CACNB4: variants seen among roughly 807,000 people sequenced by gnomAD.
CACNB4 encodes the protein calcium voltage-gated channel auxiliary subunit beta 4.
In CACNB4, 32 loss-of-function variants were observed where a neutral mutation model predicts 71.2. That is an observed-to-expected ratio of 0.45 (90% CI 0.34 to 0.60). CACNB4 has a LOEUF of 0.60. CACNB4 is among the 20% of genes least tolerant of loss of function. CACNB4 has a pLI of 0.01. For synonymous variants in CACNB4, 231 were observed against 236.9 expected (o/e 0.97, Z 0.23); for missense variants, 464 against 647.9 (o/e 0.72, Z 3.08).
chr2:151,992,893 T>C (rs1042015501), intron 2 of CACNB4, among the ~76,000 whole-genome samples: 24 of 152,234 alleles, frequency 1.6e-4, no homozygotes, highest in African/African-American at 4.8e-4. Flanking sequence ...GCTTTGGAAA[T>C]ATTCCGCTTC....
At chr2:152,040,153 A>G (rs978008450) in intron 2 of CACNB4, among the ~76,000 whole-genome samples, 2 of 152,192 alleles carry the variant, frequency 1.3e-5, no homozygotes, top group Admixed American at 6.5e-5. Flanking sequence ...TTAAGTATCA[A>G]AAATACCAAG....
rs1182160088 is a variant in CACNB4 at position 151,975,050 on chromosome 2, T to A, written c.148-91680A>T. Among the ~76,000 whole-genome samples the A allele has an allele frequency of 4.6e-5, 7 of 152,316 alleles. No individual in the cohort carries two copies. The East Asian group carries it at 1.2e-3, about 25-fold the overall frequency. ...ATGACTCTGGACCAGTCAGTCACCA[T>A]CTTGATGGGCTCTGGTTTCTTCACC... is the stretch of plus-strand genomic sequence containing the variant. On this transcript the variant is annotated intron_variant, in intron 2 of 13. Transcript: ENST00000539935.
intron 12 of CACNB4, chr2:151,852,387 G>A (rs2151349039): frequency 6.6e-6 from 1 of 152,224 alleles, no homozygotes; most frequent in Non-Finnish European, 1.5e-5. Flanking sequence ...TACTATGATA[G>A]GGAACTGACA....
At chr2:151,964,625 G>A (rs1202164729) in intron 2 of CACNB4, among the ~76,000 whole-genome samples, 2 of 152,172 alleles carry the variant, frequency 1.3e-5, no homozygotes, top group African/African-American at 4.8e-5. Flanking sequence ...GTTTTAAGAT[G>A]TAGCCCTGTG....
intron 2 of CACNB4, among the ~76,000 whole-genome samples, chr2:151,983,474 A>C (rs1433088200): frequency 6.6e-6 from 1 of 152,256 alleles, no homozygotes; most frequent in Admixed American, 6.5e-5. Flanking sequence ...GCCAATTCTC[A>C]GAAGTGATTC....
intron 2 of CACNB4, among the ~76,000 whole-genome samples, chr2:151,999,219 G>C (rs536329264): frequency 3.3e-5 from 5 of 151,994 alleles, no homozygotes; most frequent in Admixed American, 2.6e-4. Flanking sequence ...AGCCCAGAAC[G>C]GTGCTCCCCT....
intron 2 of CACNB4, among the ~76,000 whole-genome samples, chr2:152,065,760 T>C (rs538936709): frequency 5.9e-5 from 9 of 152,210 alleles, no homozygotes; most frequent in Admixed American, 2.0e-4. Flanking sequence ...AAGGGGGTAA[T>C]TTTTTTAAGA....
intron 2 of CACNB4, among the ~76,000 whole-genome samples, chr2:152,070,717 A>C (rs529319854): frequency 9.2e-5 from 14 of 152,242 alleles, no homozygotes; most frequent in Non-Finnish European, 2.1e-4. Context: ...TAATCATTTC[A>C]GCAAACCAAT....
At chr2:151,875,552 A>C (rs1291984159) in intron 5 of CACNB4, among the ~76,000 whole-genome samples, 1 of 150,672 alleles carries the variant, frequency 6.6e-6, no homozygotes, top group Non-Finnish European at 1.5e-5. Context: ...GGGGCTCCTC[A>C]CTTCCCAGTA....
chr2:151,919,010 G>A (rs1218425039), intron 2 of CACNB4, among the ~76,000 whole-genome samples: 1 of 152,172 alleles, frequency 6.6e-6, no homozygotes, highest in African/African-American at 2.4e-5. Context: ...GTAATATATG[G>A]AAGGTGTGAT....
chr2:151,876,397 A>G (rs746187710), intron 5 of CACNB4, 29 bp downstream of exon 5: 3 of 1,581,650 alleles, frequency 1.9e-6, no homozygotes, highest in Admixed American at 1.8e-5. Flanking sequence ...CTGACCAAAA[A>G]AAAGTGCATA....
At chr2:152,016,644 G>A (rs978082833) in intron 2 of CACNB4, among the ~76,000 whole-genome samples, 3 of 152,194 alleles carry the variant, frequency 2.0e-5, no homozygotes, top group African/African-American at 7.2e-5. Flanking sequence ...CCACAGTCAC[G>A]TTATCTGAAG....
chr2:151,905,187 A>G (rs2099854471), intron 2 of CACNB4, among the ~76,000 whole-genome samples: 2 of 152,134 alleles, frequency 1.3e-5, no homozygotes, highest in African/African-American at 4.8e-5. Flanking sequence ...GAGAAAACAG[A>G]AAGTTCAGCC....
chr2:152,083,345 G>A (rs1687464918), intron 2 of CACNB4, among the ~76,000 whole-genome samples: 1 of 108,896 alleles, frequency 9.2e-6, no homozygotes, highest in African/African-American at 4.9e-5. Context: ...AGGAAGGAAG[G>A]AAGGAAGGGA....
chr2:151,919,513 G>A (rs2099858376), intron 2 of CACNB4, among the ~76,000 whole-genome samples: 1 of 152,186 alleles, frequency 6.6e-6, no homozygotes, highest in Non-Finnish European at 1.5e-5. Context: ...GGCAAGAGAG[G>A]TCTAAGATGC....
chr2:151,843,286 A>C lies in CACNB4; in HGVS notation c.1117-1198T>G, dbSNP rs376240993. 1.7e-4 allele frequency among the ~76,000 whole-genome samples: 26 copies of C among 152,350 alleles called. No homozygotes were observed. In the East Asian group the frequency reaches 2.7e-3, roughly 16 times the overall value. ...CACACAAAGAGAAAAGTCATTCCACAGGTAAGTGTTAGCACATCTCAACTT... is the reference window on the plus strand; with the variant it reads ...CACACAAAGAGAAAAGTCATTCCACCGGTAAGTGTTAGCACATCTCAACTT... On this transcript the variant is annotated intron_variant, in intron 12 of 13. Coordinates refer to ENST00000539935, the MANE Select transcript of CACNB4 (RefSeq NM_000726.5).
chr2:152,067,241 C>T, intron 2 of CACNB4, among the ~76,000 whole-genome samples: 1 of 152,196 alleles, frequency 6.6e-6, no homozygotes, highest in East Asian at 1.9e-4. Flanking sequence ...TGGACACATG[C>T]TTCTGCATGT....
At chr2:151,848,682 G>A (rs777675211) in intron 12 of CACNB4, among the ~76,000 whole-genome samples, 1 of 152,140 alleles carries the variant, frequency 6.6e-6, no homozygotes, top group African/African-American at 2.4e-5. Flanking sequence ...TCTCCCAGAA[G>A]GAGTGATCAA....
chr2:151,848,210 T>C (rs1473825926), intron 12 of CACNB4, among the ~76,000 whole-genome samples: 1 of 152,210 alleles, frequency 6.6e-6, no homozygotes, highest in Non-Finnish European at 1.5e-5. Flanking sequence ...GAACTACCCC[T>C]AACTCGATAT....
Sources: gnomAD v4.1 joint callset for allele counts (sites outside exome capture counted in the v4.1 genomes callset) on GRCh38, gnomAD v4.1.1 for gene constraint, MANE v1.5 for transcripts, NCBI Gene and HGNC (gene_info 2026-07-23, HGNC 2026-07-21) for gene names.